The following CCDC157 variants were observed in gnomAD, a reference collection of about 807,000 sequenced individuals.
The protein encoded by CCDC157 is coiled-coil domain-containing protein 157.
A neutral mutation model predicts 70.9 loss-of-function variants in CCDC157; 60 were observed. The ratio of observed to expected loss-of-function variants is 0.85; its 90% CI spans 0.69 to 1.05. The LOEUF (loss-of-function observed/expected upper bound fraction) is 1.05. Among genes scored for constraint, CCDC157 ranks in the 50% least tolerant of loss-of-function variants. CCDC157 has a pLI of 0.00. For synonymous variants in CCDC157, 373 were observed against 422.4 expected (o/e 0.88, Z 1.43); for missense variants, 943 against 984.2 (o/e 0.96, Z 0.56).
At position 30,369,430 on chromosome 22, in the gene CCDC157, AG is replaced by A; in HGVS notation, c.249del. Reference sequence around the variant, plus strand: ...CCAGCAACCTAGCATCTCTGCCCGCAGGCTCCTGCTGCTGCTTCAAAGCTGT... The same window carrying A: ...CCAGCAACCTAGCATCTCTGCCCGCAGCTCCTGCTGCTGCTTCAAAGCTGT... On this transcript the variant is annotated splice_acceptor_variant, in intron 3 of 11. Coordinates refer to ENST00000338306, the MANE Select transcript of CCDC157 (RefSeq NM_001017437.5). LOFTEE classifies it high-confidence loss of function. 1 of 1,509,012 alleles carries A rather than the reference AG, an allele frequency of 6.6e-7. No homozygotes were observed. The highest frequency in any genetic ancestry group is 8.9e-7 in the Non-Finnish European group (1 of 1,122,202). 93.5% of individuals were successfully genotyped at this position (1,509,012 alleles called of 1,614,324 possible).
At chr22:30,364,546 C>T (rs771414189) in intron 2 of CCDC157, among the ~76,000 whole-genome samples, 6 of 152,144 alleles carry the variant, frequency 3.9e-5, no homozygotes, top group Non-Finnish European at 7.3e-5. Flanking sequence ...CCGTGGCTCA[C>T]GCCTGTAATC....
rs918401687 is a variant in CCDC157, at chr22:30,374,081, C to G, written c.1662C>G (p.Thr554=). Residue 554 remains threonine, a synonymous_variant, in exon 9 of 12, where the codon ACC becomes ACG. Transcript: ENST00000338306. ...CAGACCTGCACAGGCCCACCGAGAC[C>G]CAGATCCATGGTAGGGGACTGGGGA... ...AFPDLHRPTE[T]QIHGGRSSSV... 1 of 1,597,714 alleles carries G rather than the reference C, an allele frequency of 6.3e-7. No homozygotes were observed. Among genetic ancestry groups the G allele is most frequent in the South Asian group, 1.1e-5 (1 of 87,826 alleles).
upstream of CCDC157, chr22:30,356,801 C>T (rs1456867538): frequency 7.2e-7 from 1 of 1,380,620 alleles, no homozygotes; most frequent in Non-Finnish European, 9.5e-7. Flanking sequence ...ATGACTGCGA[C>T]GCTCAGGGCT....
chr22:30,374,459 C>T (rs1368614234), intron 9 of CCDC157: 1 of 477,726 alleles, frequency 2.1e-6, no homozygotes, highest in Non-Finnish European at 4.1e-6. Context: ...CAAACCACAC[C>T]ATGGGACTAG....
At chr22:30,362,803 G>A (rs1159864156) in intron 2 of CCDC157, among the ~76,000 whole-genome samples, 1 of 152,190 alleles carries the variant, frequency 6.6e-6, no homozygotes, top group Non-Finnish European at 1.5e-5. Context: ...AGAGGAAAGA[G>A]GGAACTCAGG....
chr22:30,370,356 T>C lies in CCDC157; in HGVS notation c.451T>C (p.Ser151Pro). The C allele has an allele frequency of 6.2e-7, 1 of 1,613,892 alleles. No homozygotes were observed. The highest frequency in any genetic ancestry group is 8.5e-7 in the Non-Finnish European group (1 of 1,179,954). The change falls in exon 5 of 12, where the codon TCC becomes CCC. Residue 151 changes from serine (S) to proline (P), a missense_variant. Physicochemically the swap from Ser to Pro is moderately conservative, Grantham distance 74. Transcript: ENST00000338306. ...KGANQRETPT[S>P]KPTTKGEPAR... ...GGCAAACCAAAGGGAGACTCCCACC[T>C]CCAAGCCCACCACCAAGGGCGAGCC...
chr22:30,375,844 C>T, intron 10 of CCDC157, 181 bp downstream of exon 10: 1 of 614,904 alleles, frequency 1.6e-6, no homozygotes, highest in Non-Finnish European at 2.8e-6. Context: ...GATCCGATGC[C>T]TTCCAGTCCC....
rs763563241 is a variant in CCDC157, at chr22:30,376,710, A to T, written c.2224A>T (p.Ser742Cys). The T allele has an allele frequency of 5.0e-6, 8 of 1,613,216 alleles. No homozygotes were observed. The highest frequency in any genetic ancestry group is 3.3e-5 in the Admixed American group (2 of 60,018). The change falls in exon 12 of 12, where the codon AGC becomes TGC. Residue 742 changes from serine (S) to cysteine (C), a missense_variant. Ser to Cys is a moderately radical substitution (Grantham distance 112). Transcript: ENST00000338306. ...ACTGTCACCTGGCCGGGGACAGGCC[A>T]GCTCTGCACACCAGCCCCAGGAGCG... ...KRLSPGRGQASSAHQPQERPM is the reference protein window; with the variant it reads ...KRLSPGRGQACSAHQPQERPM
At chr22:30,366,629 G>C (rs1488891688) in intron 3 of CCDC157, 10 of 307,050 alleles carry the variant, frequency 3.3e-5, no homozygotes, top group Non-Finnish European at 6.0e-5. Flanking sequence ...TCTCTTTCCT[G>C]TTGTCCTGTG....
At position 30,376,320 on chromosome 22, in the gene CCDC157, C is replaced by A. The variant is rs773226067; in HGVS notation, c.1919C>A (p.Pro640Gln). ...AAGGGAACCCAGGGAGCAACACCACCAGTCCAGGCCAAGAGCACATCCCCA... is the reference window on the plus strand; with the variant it reads ...AAGGGAACCCAGGGAGCAACACCACAAGTCCAGGCCAAGAGCACATCCCCA... ...SSKGTQGATP[P>Q]VQAKSTSPGP... The change falls in exon 11 of 12, where the codon CCA (proline) becomes CAA (glutamine). Residue 640 changes from proline to glutamine, a missense_variant. Transcript: ENST00000338306. 7 of 1,613,738 alleles carry A rather than the reference C, an allele frequency of 4.3e-6. No individual in the cohort carries two copies. The highest frequency in any genetic ancestry group is 5.9e-6 in the Non-Finnish European group (7 of 1,179,952).
At chr22:30,374,120 A>G (rs1390305709) in intron 9 of CCDC157, 29 bp downstream of exon 9, 6 of 1,565,842 alleles carry the variant, frequency 3.8e-6, no homozygotes, top group Admixed American at 3.8e-5. Context: ...TGCCAAGGGC[A>G]TGCTGGGGCT....
intron 8 of CCDC157, 29 bp downstream of exon 8, chr22:30,373,793 G>C: frequency 1.3e-6 from 2 of 1,538,220 alleles, no homozygotes; most frequent in South Asian, 2.4e-5. Flanking sequence ...CTTTTTGCCA[G>C]AGAAGTCTCC....
chr22:30,356,802 G>C, upstream of CCDC157: 2 of 1,375,526 alleles, frequency 1.5e-6, no homozygotes, highest in Non-Finnish European at 1.9e-6. Flanking sequence ...TGACTGCGAC[G>C]CTCAGGGCTG....
chr22:30,357,098 A>G lies in CCDC157; in HGVS notation c.-200A>G, dbSNP rs1311476573. 3.2e-6 allele frequency: 1 copy of G among 314,644 alleles called. No individual in the cohort carries two copies. Among genetic ancestry groups the G allele is most frequent in the African/African-American group, 2.1e-5 (1 of 46,578 alleles). The allele number at this position is 314,644 out of a possible 1,614,324, so 19.5% of individuals were successfully genotyped here. ...CCGGGGGCAGTTCCGGGAGCCGACC[A>G]GACACGAAGGCTGAAGCCGCGACGC... On this transcript the variant is annotated 5_prime_UTR_variant, in exon 1 of 12. Transcript: ENST00000338306.
At chr22:30,374,905 G>A (rs1206705926) in intron 9 of CCDC157, 12 of 210,384 alleles carry the variant, frequency 5.7e-5, no homozygotes, top group Non-Finnish European at 8.6e-5. Flanking sequence ...GTCCAAAACG[G>A]GGGGGCCTTG....
intron 5 of CCDC157, 28 bp downstream of exon 5, chr22:30,370,978 G>C (rs1484383066): frequency 1.8e-5 from 28 of 1,586,036 alleles, no homozygotes; most frequent in Non-Finnish European, 2.3e-5. Flanking sequence ...CAGACGCCTG[G>C]TGCCCAGGGG....
At position 30,372,086 on chromosome 22, in the gene CCDC157, C is replaced by T; in HGVS notation, c.1135C>T (p.Gln379Ter). 1 of 1,546,366 alleles carries T rather than the reference C, an allele frequency of 6.5e-7. No homozygotes were observed. The highest frequency in any genetic ancestry group is 1.4e-5 in the African/African-American group (1 of 73,198). ...ACTTAATGCTGCAGAGGCAAAGGCC[C>T]AGCAGCTGCAGGAGGAAGGTGAGCG... ...ESTQAVEAKA[Q>*]QLQEEGERRA... Residue 379 changes from glutamine (Q) to a stop codon, truncating the protein, a stop_gained, in exon 7 of 12, where the codon CAG (glutamine) becomes TAG (stop). Coordinates refer to ENST00000338306, the MANE Select transcript of CCDC157 (RefSeq NM_001017437.5). LOFTEE classifies it high-confidence loss of function.
intron 3 of CCDC157, among the ~76,000 whole-genome samples, chr22:30,367,727 T>A (rs1453635723): frequency 1.3e-5 from 2 of 151,902 alleles, no homozygotes; most frequent in African/African-American, 2.4e-5. Flanking sequence ...TTCTGGGGAC[T>A]GTATCCCAGG....
upstream of CCDC157, chr22:30,356,678 G>A (rs1037569108): frequency 3.7e-6 from 5 of 1,347,826 alleles, no homozygotes; most frequent in African/African-American, 6.0e-5. Context: ...TGCGAGTAAG[G>A]AGCGCCCAGG....
Sources: allele counts gnomAD v4.1 joint callset (sites outside exome capture counted in the v4.1 genomes callset), GRCh38; gene constraint gnomAD v4.1.1; transcripts MANE v1.5; gene names NCBI Gene and HGNC (gene_info 2026-07-23, HGNC 2026-07-21).